The following MAP3K3 variants were observed in gnomAD, a reference collection of about 807,000 sequenced individuals.
The protein encoded by MAP3K3 is MAP/ERK kinase kinase 3.
A neutral mutation model predicts 80.9 loss-of-function variants in MAP3K3; 12 were observed. That is an observed-to-expected ratio of 0.15 (90% confidence interval 0.10 to 0.24). The LOEUF (loss-of-function observed/expected upper bound fraction) is 0.24. Among genes scored for constraint, MAP3K3 ranks in the 10% least tolerant of loss-of-function variants. The pLI, the probability that MAP3K3 is intolerant of heterozygous loss-of-function variation, is 1.00. For synonymous variants in MAP3K3, 272 were observed against 307.1 expected (o/e 0.89, Z 1.19); for missense variants, 596 against 834.7 (o/e 0.71, Z 3.52).
chr17:63,638,581 GTCTC>G (rs1024003314), intron 2 of MAP3K3, among the ~76,000 whole-genome samples: 1 of 152,306 alleles, frequency 6.6e-6, no homozygotes, highest in Middle Eastern at 3.4e-3. Context: ...AGCCCGCACT[GTCTC>G]TCTCCTGAGC....
At chr17:63,625,634 G>A (rs1466882070) in intron 1 of MAP3K3, among the ~76,000 whole-genome samples, 1 of 152,174 alleles carries the variant, frequency 6.6e-6, no homozygotes, top group Non-Finnish European at 1.5e-5. Flanking sequence ...TCTCAATTCA[G>A]TTTGGCTAGA....
At chr17:63,655,828 T>C (rs974708003) in intron 4 of MAP3K3, among the ~76,000 whole-genome samples, 1 of 152,180 alleles carries the variant, frequency 6.6e-6, no homozygotes, top group Admixed American at 6.5e-5. Flanking sequence ...ACCATTCTTA[T>C]TTATTCCCAC....
intron 6 of MAP3K3, among the ~76,000 whole-genome samples, chr17:63,677,642 G>A (rs1339738008): frequency 1.3e-5 from 2 of 152,092 alleles, no homozygotes; most frequent in East Asian, 1.9e-4. Flanking sequence ...TTGGCCAAGC[G>A]GCATTTTGTA....
At chr17:63,675,513 G>A (rs1237977537) in intron 6 of MAP3K3, among the ~76,000 whole-genome samples, 2 of 152,204 alleles carry the variant, frequency 1.3e-5, no homozygotes, top group African/African-American at 4.8e-5. Context: ...AGAGTACAAA[G>A]CAAAAGAACC....
chr17:63,688,609 G>A lies in MAP3K3; in HGVS notation c.778+15G>A, dbSNP rs1392400815. On this transcript the variant is annotated intron_variant, in intron 9 of 15. Coordinates refer to ENST00000361733, the MANE Select transcript of MAP3K3 (RefSeq NM_002401.5). ...GGAATACTCAGGTGAGTTCCACAGA[G>A]CCTGGGTGGGTAATGCAGGGTGTCT... The A allele has an allele frequency of 6.2e-6, 10 of 1,612,694 alleles. No homozygotes were observed. In the South Asian group the frequency reaches 1.1e-4, roughly 18 times the overall value.
chr17:63,660,481 G>A (rs904609856), intron 5 of MAP3K3, among the ~76,000 whole-genome samples: 3 of 151,928 alleles, frequency 2.0e-5, no homozygotes, highest in African/African-American at 7.3e-5. Flanking sequence ...GCAAAGTGCT[G>A]GGATTACAGG....
At position 63,657,924 on chromosome 17, in the gene MAP3K3, A is replaced by G. The variant is rs760879872; in HGVS notation, c.381+17A>G. 7.2e-7 allele frequency: 1 copy of G among 1,385,022 alleles called. No homozygotes were observed. The highest frequency in any genetic ancestry group is 1.4e-5 in the African/African-American group (1 of 69,818). 85.8% of individuals were successfully genotyped at this position (1,385,022 alleles called of 1,614,324 possible). ...AGAAACCATGTAAGTAGCCCTTGTC[A>G]TGGTCTGGCAGCTGAAGACAAAGCT... On this transcript the variant is annotated intron_variant, in intron 5 of 15. Coordinates refer to ENST00000361733, the MANE Select transcript of MAP3K3 (RefSeq NM_002401.5).
At chr17:63,665,617 T>G (rs1044298271) in intron 5 of MAP3K3, among the ~76,000 whole-genome samples, 2 of 152,144 alleles carry the variant, frequency 1.3e-5, no homozygotes, top group Admixed American at 6.5e-5. Flanking sequence ...TCTTTGTGAG[T>G]GCAAGACTAT....
chr17:63,669,672 A>G (rs9908044), intron 6 of MAP3K3, among the ~76,000 whole-genome samples: 3 of 151,944 alleles, frequency 2.0e-5, no homozygotes, highest in Non-Finnish European at 2.9e-5. Flanking sequence ...CCAGGCTGGT[A>G]TGACTCCTGA....
At chr17:63,627,357 G>C (rs989281628) in intron 1 of MAP3K3, among the ~76,000 whole-genome samples, 1 of 151,982 alleles carries the variant, frequency 6.6e-6, no homozygotes, top group African/African-American at 2.4e-5. Flanking sequence ...AAGTGTGTCA[G>C]ACCACTCCCA....
At position 63,689,536 on chromosome 17, in the gene MAP3K3, C is replaced by G; in HGVS notation, c.872-8C>G. The G allele has an allele frequency of 6.2e-7, 1 of 1,610,144 alleles. No individual in the cohort carries two copies. Among genetic ancestry groups the G allele is most frequent in the South Asian group, 1.1e-5 (1 of 90,396 alleles). On this transcript the variant is annotated splice_polypyrimidine_tract_variant and splice_region_variant and intron_variant, in intron 10 of 15. Coordinates refer to ENST00000361733, the MANE Select transcript of MAP3K3 (RefSeq NM_002401.5). The surrounding 1 kb of genome is among the most constrained non-coding windows in gnomAD (Gnocchi z 4.3). ...ACTTGCTCTCCTCTGGCCCTTGCAC[C>G]CTTTCAGGCAGAAGAACATTTCCCC...
At chr17:63,681,059 TAA>T (rs2035322020) in intron 6 of MAP3K3, among the ~76,000 whole-genome samples, 1 of 145,984 alleles carries the variant, frequency 6.9e-6, no homozygotes, top group African/African-American at 2.6e-5. Flanking sequence ...AAATGCAAGA[TAA>T]TATCATTACT....
chr17:63,652,684 A>T, intron 4 of MAP3K3, 28 bp downstream of exon 4: 3 of 1,466,024 alleles, frequency 2.0e-6, no homozygotes, highest in South Asian at 2.3e-5. Flanking sequence ...TGGGGCAGGG[A>T]CAAGAGGGGC....
chr17:63,647,590 T>C (rs1243927498), intron 3 of MAP3K3, among the ~76,000 whole-genome samples: 1 of 152,228 alleles, frequency 6.6e-6, no homozygotes, highest in Non-Finnish European at 1.5e-5. Context: ...AATGGCCTTC[T>C]GAAGCCCTGA....
At position 63,689,521 on chromosome 17, in the gene MAP3K3, C is replaced by T. The variant is rs2035536957; in HGVS notation, c.872-23C>T. The T allele has an allele frequency of 1.2e-6, 2 of 1,603,984 alleles. No individual in the cohort carries two copies. Among genetic ancestry groups the T allele is most frequent in the Non-Finnish European group, 1.7e-6 (2 of 1,174,394 alleles). On this transcript the variant is annotated intron_variant, in intron 10 of 15. Coordinates refer to ENST00000361733, the MANE Select transcript of MAP3K3 (RefSeq NM_002401.5). The surrounding 1 kb of genome is among the most constrained non-coding windows in gnomAD (Gnocchi z 4.3). ...GTAGCCTGGGGTGTGACTTGCTCTC[C>T]TCTGGCCCTTGCACCCTTTCAGGCA...
At chr17:63,675,534 G>A (rs901198874) in intron 6 of MAP3K3, among the ~76,000 whole-genome samples, 2 of 152,228 alleles carry the variant, frequency 1.3e-5, no homozygotes, top group Non-Finnish European at 2.9e-5. Flanking sequence ...TACCATATCC[G>A]AGGGTGAGAG....
Position 63,689,143 on chromosome 17 carries a change from T to A in MAP3K3, c.871+262T>A. ...CAGGGGCACCATCTCTCCCATGTCC[T>A]CTTCTGCCCCACAGCAGCAGGTGGC... On this transcript the variant is annotated intron_variant, in intron 10 of 15. Transcript: ENST00000361733. This position sits in a 1 kb window ranked among gnomAD's most constrained non-coding sequence, Gnocchi z 4.3. 1.8e-6 allele frequency: 1 copy of A among 570,304 alleles called. No homozygotes were observed. The allele number at this position is 570,304 out of a possible 1,614,324, so 35.3% of individuals were successfully genotyped here. A position where few individuals can be genotyped will look rare whatever the true frequency, so the allele number is the denominator to read the frequency against.
rs1351658295 is a variant in MAP3K3, at chr17:63,695,243, G to A, written c.*1466G>A. Reference sequence around the variant, plus strand: ...ATGTTGACGATGCACTTTTATGAATGTAGTTTCTATCGCTGTTTTTAGCCT... The same window carrying A: ...ATGTTGACGATGCACTTTTATGAATATAGTTTCTATCGCTGTTTTTAGCCT... On this transcript the variant is annotated 3_prime_UTR_variant, in exon 16 of 16. Transcript: ENST00000361733. This position sits in a 1 kb window ranked among gnomAD's most constrained non-coding sequence, Gnocchi z 4.1. 2.6e-5 allele frequency: 4 copies of A among 152,672 alleles called. No individual in the cohort carries two copies. The highest frequency in any genetic ancestry group is 7.2e-5 in the African/African-American group (3 of 41,460). The allele number at this position is 152,672 out of a possible 1,614,324, so 9.5% of individuals were successfully genotyped here.
chr17:63,657,663 C>T, intron 4 of MAP3K3, 131 bp from the exon 5 acceptor site: 1 of 485,530 alleles, frequency 2.1e-6, no homozygotes, highest in Admixed American at 3.5e-5. Context: ...TCTTAAGACC[C>T]CATAGTATCC....
Sources: allele counts gnomAD v4.1 joint callset (sites outside exome capture counted in the v4.1 genomes callset), GRCh38; gene constraint gnomAD v4.1.1; non-coding constraint Gnocchi (gnomAD v3.1); transcripts MANE v1.5; gene names NCBI Gene and HGNC (gene_info 2026-07-23, HGNC 2026-07-21).